NKAIN4: variants seen among roughly 807,000 people sequenced by gnomAD.
The protein encoded by NKAIN4 is sodium/potassium-transporting ATPase subunit beta-1-interacting protein 4.
A neutral mutation model predicts 28.8 loss-of-function variants in NKAIN4; 28 were observed. That is an observed-to-expected ratio of 0.97 (90% confidence interval 0.72 to 1.33). The LOEUF (loss-of-function observed/expected upper bound fraction) is 1.33, where lower values mean the gene tolerates loss of function less well. Ranked by LOEUF, NKAIN4 falls within the 40% of genes most tolerant of loss-of-function variation. The pLI, the probability that NKAIN4 is intolerant of heterozygous loss-of-function variation, is 0.00. For synonymous variants in NKAIN4, 122 were observed against 115.6 expected, an observed-to-expected ratio of 1.06 and a Z score of -0.36; for missense variants, 289 against 277.2, an observed-to-expected ratio of 1.04 and a Z score of -0.30.
At position 63,241,481 on chromosome 20, in the gene NKAIN4, T is replaced by G; in HGVS notation, c.*16A>C. 1 of 1,550,418 alleles carries G rather than the reference T, an allele frequency of 6.4e-7. No individual in the cohort carries two copies. Among genetic ancestry groups the G allele is most frequent in the Non-Finnish European group, 8.7e-7 (1 of 1,146,946 alleles). ...GAGGCTGGAGGCCACAGGAGCAGGA[T>G]CAGCTGTTTCCTCACTTACGCAGGC... is the stretch of plus-strand genomic sequence containing the variant. On this transcript the variant is annotated 3_prime_UTR_variant, in exon 7 of 7. Coordinates refer to ENST00000370316, the MANE Select transcript of NKAIN4 (RefSeq NM_152864.4).
intron 1 of NKAIN4, chr20:63,254,166 C>T (rs2123145135): frequency 9.3e-6 from 4 of 428,990 alleles, no homozygotes; most frequent in Non-Finnish European, 1.6e-5. Context: ...GGACCCGCGG[C>T]CGCCCCCCGC....
chr20:63,250,444 G>A lies in NKAIN4; in HGVS notation c.55-372C>T, dbSNP rs1185622565. On this transcript the variant is annotated intron_variant, in intron 1 of 6. Coordinates refer to ENST00000370316, the MANE Select transcript of NKAIN4 (RefSeq NM_152864.4). ...AACACCAGGGGCTGCTCTAAATCAC[G>A]AACTGTGGGGCCAGGTGACAGACAC... is the stretch of plus-strand genomic sequence containing the variant. Among the ~76,000 whole-genome samples, 4 of 152,280 alleles carry A rather than the reference G, an allele frequency of 2.6e-5. No individual in the cohort carries two copies. In the South Asian group the frequency reaches 6.2e-4, roughly 24 times the overall value.
chr20:63,246,929 T>C (rs1232042105), intron 4 of NKAIN4: 8 of 985,794 alleles, frequency 8.1e-6, no homozygotes, highest in Non-Finnish European at 9.6e-6. Context: ...CGTGTGGCCA[T>C]ACCAGGAGCA....
rs1568709643 is a variant in NKAIN4 at position 63,248,824 on chromosome 20, GCCA to G, written c.261_263del (p.Gly88del). 1 of 1,611,742 alleles carries G rather than the reference GCCA, an allele frequency of 6.2e-7. No individual in the cohort carries two copies. Among genetic ancestry groups the G allele is most frequent in the East Asian group, 2.2e-5 (1 of 44,856 alleles). ...CCCAGTCTGCACTCACCTTTAAGAG[GCCA>G]CCGACTTCCAGGTAGAAGCAGATGA... On this transcript the variant is annotated inframe_deletion, in exon 3 of 7. Coordinates refer to ENST00000370316, the MANE Select transcript of NKAIN4 (RefSeq NM_152864.4).
intron 4 of NKAIN4, chr20:63,247,284 C>G: frequency 7.5e-7 from 1 of 1,338,962 alleles, no homozygotes; most frequent in Non-Finnish European, 9.7e-7. Flanking sequence ...CGGGGTGTCT[C>G]GGCCTGATCC....
intron 1 of NKAIN4, 152 bp from the exon 2 acceptor site, chr20:63,250,224 T>G: frequency 1.2e-6 from 1 of 841,528 alleles, no homozygotes; most frequent in Non-Finnish European, 1.8e-6. Flanking sequence ...ACCAGGGCTG[T>G]AACTCCTGCT....
At chr20:63,246,228 T>C (rs1407632772) in intron 4 of NKAIN4, among the ~76,000 whole-genome samples, 1 of 152,180 alleles carries the variant, frequency 6.6e-6, no homozygotes, top group African/African-American at 2.4e-5. Context: ...GCACCCAGCC[T>C]AGCTTCTTTT....
chr20:63,247,090 C>G (rs564608876), intron 4 of NKAIN4: 2 of 1,033,596 alleles, frequency 1.9e-6, no homozygotes, highest in South Asian at 6.9e-5. Context: ...GCCAGCCTTG[C>G]CAGATGCATA....
intron 1 of NKAIN4, among the ~76,000 whole-genome samples, chr20:63,251,859 G>A (rs909369708): frequency 1.3e-5 from 2 of 152,070 alleles, no homozygotes; most frequent in East Asian, 1.9e-4. Context: ...GTGGCTAGCC[G>A]CCCACGAAAC....
chr20:63,246,535 T>G, intron 4 of NKAIN4: 1 of 985,420 alleles, frequency 1.0e-6, no homozygotes. Context: ...CACCGTCACG[T>G]GTGCTCAGGC....
At chr20:63,242,791 G>C (rs1432994616) in intron 5 of NKAIN4, among the ~76,000 whole-genome samples, 168 bp from the exon 6 acceptor site, 1 of 151,532 alleles carries the variant, frequency 6.6e-6, no homozygotes, top group Non-Finnish European at 1.5e-5. Flanking sequence ...GGGGACGGGG[G>C]GGGTGGGACA....
chr20:63,248,872 C>T lies in NKAIN4; in HGVS notation c.216G>A (p.Trp72Ter), dbSNP rs1363920778. Reference protein sequence around the residue: ...VMVYTLWAAVWVTWNVFIICF... With the variant: ...VMVYTLWAAV ...AGATGATGAAGACGTTCCAGGTGACCCAGACGGCTGCCCACAGCGTGTACT... is the reference window on the plus strand; with the variant it reads ...AGATGATGAAGACGTTCCAGGTGACTCAGACGGCTGCCCACAGCGTGTACT... The change falls in exon 3 of 7, where the codon TGG becomes TGA. Residue 72 changes from tryptophan to a stop codon, truncating the protein, a stop_gained. Coordinates refer to ENST00000370316, the MANE Select transcript of NKAIN4 (RefSeq NM_152864.4). LOFTEE classifies it high-confidence loss of function. 5.0e-6 allele frequency: 8 copies of T among 1,612,792 alleles called. No homozygotes were observed. In the South Asian group the frequency reaches 8.8e-5, roughly 18 times the overall value.
intron 4 of NKAIN4, chr20:63,246,617 C>G (rs916636190): frequency 1.0e-6 from 1 of 985,226 alleles, no homozygotes; most frequent in Non-Finnish European, 1.2e-6. Context: ...TCCTGGAAGC[C>G]CCAGGTCCAC....
chr20:63,247,587 G>A lies in NKAIN4; in HGVS notation c.462C>T (p.Ile154=), dbSNP rs2066882642. The A allele has an allele frequency of 1.3e-6, 2 of 1,547,144 alleles. No homozygotes were observed. Among genetic ancestry groups the A allele is most frequent in the East Asian group, 4.9e-5 (2 of 40,802 alleles). ...CCTTCCCCACGCTCACCGCGATCAGGATCTGCAGGCAACTGTGTAGGGCCT... is the reference window on the plus strand; with the variant it reads ...CCTTCCCCACGCTCACCGCGATCAGAATCTGCAGGCAACTGTGTAGGGCCT... ...YVEALHSCLQ[I]LIALLGFVCG... The change falls in exon 4 of 7, where the codon ATC becomes ATT. Residue 154 remains isoleucine (I), a synonymous_variant. Coordinates refer to ENST00000370316, the MANE Select transcript of NKAIN4 (RefSeq NM_152864.4).
chr20:63,247,700 C>A lies in NKAIN4; in HGVS notation c.349G>T (p.Glu117Ter), dbSNP rs1159919664. The change falls in exon 4 of 7, where the codon GAG becomes TAG. Residue 117 changes from glutamate (E) to a stop codon, truncating the protein, a stop_gained. Transcript: ENST00000370316. LOFTEE classifies it high-confidence loss of function. Reference sequence around the variant, plus strand: ...CCGAGGCCCACTGCTGGCACCTCCTCATGCAGACAGCCTGGCCAGCGCTCA... The same window carrying A: ...CCGAGGCCCACTGCTGGCACCTCCTAATGCAGACAGCCTGGCCAGCGCTCA... ...WRERWPGCLH[E>*]EVPAVGLGAP... 1.3e-6 allele frequency: 2 copies of A among 1,530,390 alleles called. No homozygotes were observed. The highest frequency in any genetic ancestry group is 1.8e-6 in the Non-Finnish European group (2 of 1,137,116). The allele number at this position is 1,530,390 out of a possible 1,614,324, so 94.8% of individuals were successfully genotyped here. A position where few individuals can be genotyped will look rare whatever the true frequency, so the allele number is the denominator to read the frequency against.
intron 4 of NKAIN4, chr20:63,247,109 T>TGG: frequency 1.9e-6 from 2 of 1,039,574 alleles, no homozygotes; most frequent in South Asian, 3.3e-5. Flanking sequence ...TACGCCAGGG[T>TGG]TCCCGACAAG....
chr20:63,244,050 C>T lies in NKAIN4; in HGVS notation c.506G>A (p.Ser169Asn). ...GCTGTCCTCTTCCTCCGTAAACACG[C>T]TGACCACCTGGCAGCCACAGACAAA... Reference protein sequence around the residue: ...LGFVCGCQVVSVFTEEEDSFD... With the variant: ...LGFVCGCQVVNVFTEEEDSFD... The change falls in exon 5 of 7, where the codon AGC (serine) becomes AAC (asparagine). Residue 169 changes from serine to asparagine, a missense_variant. By Grantham distance (46) the Ser-to-Asn change is conservative. Transcript: ENST00000370316. 3.1e-6 allele frequency: 5 copies of T among 1,613,938 alleles called. No homozygotes were observed. The highest frequency in any genetic ancestry group is 4.2e-6 in the Non-Finnish European group (5 of 1,179,918).
At chr20:63,247,803 G>C (rs943253266) in intron 3 of NKAIN4, 28 bp from the exon 4 acceptor site, 10 of 1,426,664 alleles carry the variant, frequency 7.0e-6, no homozygotes, top group Non-Finnish European at 9.2e-6. Context: ...GAGCAGGGCC[G>C]GTTAGCACCA....
rs748691145 is a variant in NKAIN4, at chr20:63,242,552, T to C, written c.604A>G (p.Lys202Glu). Residue 202 changes from lysine to glutamate, a missense_variant, in exon 6 of 7, where the codon AAG becomes GAG. Transcript: ENST00000370316. Reference sequence around the variant, plus strand: ...AGCCATACTTACAAGTACACCTGCTTGGACAAGAGACTGGATGGCTTTTCA... The same window carrying C: ...AGCCATACTTACAAGTACACCTGCTCGGACAAGAGACTGGATGGCTTTTCA... ...VNEKPSSLLS[K>E]QVYLPA 12 of 1,612,454 alleles carry C rather than the reference T, an allele frequency of 7.4e-6. No individual in the cohort carries two copies. Among genetic ancestry groups the C allele is most frequent in the Non-Finnish European group, 1.0e-5 (12 of 1,178,810 alleles).
Sources: gnomAD v4.1 joint callset for allele counts (sites outside exome capture counted in the v4.1 genomes callset) on GRCh38, gnomAD v4.1.1 for gene constraint, MANE v1.5 for transcripts, NCBI Gene and HGNC (gene_info 2026-07-23, HGNC 2026-07-21) for gene names.